The following PP2D1 variants were observed in gnomAD, a reference collection of about 807,000 sequenced individuals.
PP2D1 encodes the protein protein phosphatase 2C like domain containing 1.
A neutral mutation model predicts 30.2 loss-of-function variants in PP2D1; 25 were observed. The ratio of observed to expected loss-of-function variants is 0.83; its 90% CI spans 0.60 to 1.16. The LOEUF is 1.16. PP2D1 is among the 50% of genes most tolerant of loss of function. PP2D1 has a pLI of 0.00. For synonymous variants in PP2D1, 260 were observed against 258.9 expected (o/e 1.00, Z -0.04); for missense variants, 760 against 742.4 (o/e 1.02, Z -0.28).
At position 20,001,022 on chromosome 3, in the gene PP2D1, G is replaced by A. The variant is rs1697243153; in HGVS notation, c.1090+8C>T. The A allele has an allele frequency of 7.3e-7, 1 of 1,366,212 alleles. No homozygotes were observed. The highest frequency in any genetic ancestry group is 2.0e-5 in the South Asian group (1 of 50,258). The allele number at this position is 1,366,212 out of a possible 1,614,324, so 84.6% of individuals were successfully genotyped here. On this transcript the variant is annotated splice_region_variant and intron_variant, in intron 2 of 2. Transcript: ENST00000389050. ...AAGGTGTTATTTGGTGCTATTCAAT[G>A]TACATACCAGTGTTTGCAACATGTA...
chr3:20,004,027 A>G (rs35684714), intron 1 of PP2D1, among the ~76,000 whole-genome samples: 22,545 of 152,206 alleles, frequency 0.15, 1,802 homozygotes, highest in South Asian at 0.22. Context: ...TGGGTTTATA[A>G]CATCTGCAGT....
At position 20,001,944 on chromosome 3, in the gene PP2D1, T is replaced by C; in HGVS notation, c.176A>G (p.Glu59Gly). Reference sequence around the variant, plus strand: ...GGAACAGGGTAATGTGGTCCCTTGCTCATAGACCTGCTCCTCTTCATGGCG... The same window carrying C: ...GGAACAGGGTAATGTGGTCCCTTGCCCATAGACCTGCTCCTCTTCATGGCG... ...TKRHEEEQVY[E>G]QGTTLPCSIC... Residue 59 changes from glutamate to glycine, a missense_variant, in exon 2 of 3, where the codon GAG (glutamate) becomes GGG (glycine). Glu to Gly is a moderately conservative substitution (Grantham distance 98). This residue lies in a region of PP2D1 where 374 missense variants were observed against 388.8 expected (regional missense o/e 0.96). Coordinates refer to ENST00000389050, the MANE Select transcript of PP2D1 (RefSeq NM_001252657.2). 6.5e-7 allele frequency: 1 copy of C among 1,536,376 alleles called. No individual in the cohort carries two copies. Among genetic ancestry groups the C allele is most frequent in the Non-Finnish European group, 8.7e-7 (1 of 1,146,952 alleles).
At chr3:20,010,928 A>G (rs1461670895) in intron 1 of PP2D1, among the ~76,000 whole-genome samples, 1 of 152,188 alleles carries the variant, frequency 6.6e-6, no homozygotes, top group Non-Finnish European at 1.5e-5. Flanking sequence ...CTATGAGGGA[A>G]AAAGTTTGCA....
Position 20,001,747 on chromosome 3 carries a change from C to T in PP2D1, c.373G>A (p.Glu125Lys). ...SKLLSSFMFT[E>K]KTLQSINNAF... Reference sequence around the variant, plus strand: ...TTATTAATGCTCTGTAGGGTTTTTTCAGTGAACATAAAAGATGACAATAGT... The same window carrying T: ...TTATTAATGCTCTGTAGGGTTTTTTTAGTGAACATAAAAGATGACAATAGT... Residue 125 changes from glutamate to lysine, a missense_variant, in exon 2 of 3, where the codon GAA becomes AAA. Physicochemically the swap from Glu to Lys is moderately conservative, Grantham distance 56. Coordinates refer to ENST00000389050, the MANE Select transcript of PP2D1 (RefSeq NM_001252657.2). 6.5e-7 allele frequency: 1 copy of T among 1,530,316 alleles called. No individual in the cohort carries two copies. The allele number at this position is 1,530,316 out of a possible 1,614,324, so 94.8% of individuals were successfully genotyped here.
At chr3:19,988,510 A>G (rs915551838) in intron 2 of PP2D1, among the ~76,000 whole-genome samples, 2 of 152,186 alleles carry the variant, frequency 1.3e-5, no homozygotes, top group African/African-American at 2.4e-5. Flanking sequence ...CCAAAACTTC[A>G]TTAGCAATTT....
Position 19,985,993 on chromosome 3 carries a change from T to G in PP2D1, c.1280A>C (p.Lys427Thr). The G allele has an allele frequency of 6.5e-7, 1 of 1,536,148 alleles. No homozygotes were observed. The highest frequency in any genetic ancestry group is 8.7e-7 in the Non-Finnish European group (1 of 1,146,876). ...TRGLGFHGNL[K>T]LKKSIIPAPQ... ...TGCTGGGATAATGGATTTTTTCAGC[T>G]TGAGATTTCCATGAAATCCAAGTCC... is the stretch of plus-strand genomic sequence containing the variant. Residue 427 changes from lysine to threonine, a missense_variant, in exon 3 of 3, where the codon AAG (lysine) becomes ACG (threonine). Physicochemically the swap from Lys to Thr is moderately conservative, Grantham distance 78. Transcript: ENST00000389050.
chr3:20,012,116 C>T lies in PP2D1; in HGVS notation c.-44G>A, dbSNP rs1308168648. On this transcript the variant is annotated 5_prime_UTR_variant, in exon 1 of 3. Coordinates refer to ENST00000389050, the MANE Select transcript of PP2D1 (RefSeq NM_001252657.2). ...TTCTTTGCCCTCCCTTTATCCCCTT[C>T]CCCTGGCCTCTATTTCTCCAACTTG... is the stretch of plus-strand genomic sequence containing the variant. 10 of 1,485,180 alleles carry T rather than the reference C, an allele frequency of 6.7e-6. No homozygotes were observed. In the African/African-American group the frequency reaches 1.3e-4, roughly 19 times the overall value. 92.0% of individuals were successfully genotyped at this position (1,485,180 alleles called of 1,614,324 possible).
In PP2D1 at chr3:20,001,041, A is replaced by G. The variant is rs1392564299; in HGVS notation, c.1079T>C (p.Val360Ala). The G allele has an allele frequency of 7.2e-7, 1 of 1,395,414 alleles. No homozygotes were observed. The highest frequency in any genetic ancestry group is 1.4e-5 in the African/African-American group (1 of 69,410). The allele number at this position is 1,395,414 out of a possible 1,614,324, so 86.4% of individuals were successfully genotyped here. A position where few individuals can be genotyped will look rare whatever the true frequency, so the allele number is the denominator to read the frequency against. Residue 360 changes from valine to alanine, a missense_variant, in exon 2 of 3, where the codon GTT (valine) becomes GCT (alanine). Coordinates refer to ENST00000389050, the MANE Select transcript of PP2D1 (RefSeq NM_001252657.2). ...TTCAATGTACATACCAGTGTTTGCAACATGTAATATTCCAGAAATTATTTT... is the reference window on the plus strand; with the variant it reads ...TTCAATGTACATACCAGTGTTTGCAGCATGTAATATTCCAGAAATTATTTT... ...MPKIISGILH[V>A]ANTGNVQAVL... is the part of the protein sequence containing the mutation.
intron 2 of PP2D1, among the ~76,000 whole-genome samples, chr3:19,997,381 G>A (rs1202084702): frequency 1.3e-5 from 2 of 150,972 alleles, no homozygotes; most frequent in Non-Finnish European, 2.9e-5. Flanking sequence ...ATTAGGCATA[G>A]AAGAAACATG....
intron 1 of PP2D1, among the ~76,000 whole-genome samples, chr3:20,003,060 GAAAAAA>G (rs1015841019): frequency 7.4e-6 from 1 of 135,100 alleles, no homozygotes; most frequent in East Asian, 2.1e-4. Context: ...ATCTCAAAAA[GAAAAAA>G]AAAAAGTATA....
At chr3:19,990,803 G>A (rs1697110294) in intron 2 of PP2D1, among the ~76,000 whole-genome samples, 1 of 149,842 alleles carries the variant, frequency 6.7e-6, no homozygotes, top group Non-Finnish European at 1.5e-5. Flanking sequence ...AGGCTGGAGT[G>A]CAGTGGCGCG....
intron 1 of PP2D1, among the ~76,000 whole-genome samples, chr3:20,002,480 G>A (rs1021721384): frequency 6.6e-6 from 1 of 152,154 alleles, no homozygotes; most frequent in African/African-American, 2.4e-5. Context: ...TGCAACGGTG[G>A]TACCAAAAGA....
At chr3:19,991,752 T>C (rs558492353) in intron 2 of PP2D1, among the ~76,000 whole-genome samples, 5 of 152,264 alleles carry the variant, frequency 3.3e-5, no homozygotes, top group African/African-American at 1.2e-4. Context: ...AGGTAGACAC[T>C]TGGAACACTT....
rs575522478 is a variant in PP2D1, at chr3:20,012,111, C to T, written c.-39G>A. On this transcript the variant is annotated 5_prime_UTR_variant, in exon 1 of 3. Transcript: ENST00000389050. ...TACCTTTCTTTGCCCTCCCTTTATCCCCTTCCCCTGGCCTCTATTTCTCCA... is the reference window on the plus strand; with the variant it reads ...TACCTTTCTTTGCCCTCCCTTTATCTCCTTCCCCTGGCCTCTATTTCTCCA... The T allele has an allele frequency of 2.9e-5, 44 of 1,507,882 alleles. No homozygotes were observed. The highest frequency in any genetic ancestry group is 9.9e-5 in the Admixed American group (5 of 50,472). The allele number at this position is 1,507,882 out of a possible 1,614,324, so 93.4% of individuals were successfully genotyped here. A position where few individuals can be genotyped will look rare whatever the true frequency, so the allele number is the denominator to read the frequency against.
intron 2 of PP2D1, among the ~76,000 whole-genome samples, chr3:19,992,453 T>G (rs902268334): frequency 6.6e-6 from 1 of 152,168 alleles, no homozygotes; most frequent in African/African-American, 2.4e-5. Context: ...GGAGTTGAAT[T>G]AGACTTTAGG....
chr3:19,988,147 C>T (rs186410962), intron 2 of PP2D1, among the ~76,000 whole-genome samples: 4 of 152,226 alleles, frequency 2.6e-5, no homozygotes, highest in South Asian at 2.1e-4. Flanking sequence ...AGGATAACAG[C>T]GATGTTCAGG....
downstream of PP2D1, among the ~76,000 whole-genome samples, chr3:19,981,020 G>C (rs1344349951): frequency 6.6e-6 from 1 of 152,192 alleles, no homozygotes; most frequent in South Asian, 2.1e-4. Flanking sequence ...CTGAGTCAAA[G>C]CTATGGTAAA....
downstream of PP2D1, among the ~76,000 whole-genome samples, chr3:19,982,436 GTCCT>G (rs1438877726): frequency 6.6e-6 from 1 of 152,168 alleles, no homozygotes; most frequent in African/African-American, 2.4e-5. Context: ...GGTGTTATCT[GTCCT>G]TCCTTTGCCC....
At chr3:19,990,022 TAC>T (rs1023876965) in intron 2 of PP2D1, among the ~76,000 whole-genome samples, 5 of 152,176 alleles carry the variant, frequency 3.3e-5, no homozygotes, top group Non-Finnish European at 4.4e-5. Context: ...TTTCCTGTGC[TAC>T]AGAGTAGGAC....
Sources: gnomAD v4.1 joint callset for allele counts (sites outside exome capture counted in the v4.1 genomes callset) on GRCh38, gnomAD v4.1.1 for gene constraint, gnomAD v4.1.1 regional missense constraint, MANE v1.5 for transcripts, NCBI Gene and HGNC (gene_info 2026-07-23, HGNC 2026-07-21) for gene names.